The following NRCAM variants were observed in gnomAD, a reference collection of about 807,000 sequenced individuals.
NRCAM encodes neuronal cell adhesion molecule.
NRCAM carries 83 observed loss-of-function variants against 156.5 expected under a neutral mutation model. That is an observed-to-expected ratio of 0.53 (90% CI 0.44 to 0.64). The LOEUF is 0.64. NRCAM is among the 30% of genes least tolerant of loss of function. The pLI is 0.00. For missense variants in NRCAM, 1,417 were observed against 1,597.3 expected (o/e 0.89, Z 1.92); for synonymous variants, 538 against 563.9 (o/e 0.95, Z 0.65).
chr7:108,150,356 T>C (rs1050625637), intron 32 of NRCAM, among the ~76,000 whole-genome samples: 2 of 152,134 alleles, frequency 1.3e-5, no homozygotes, highest in Non-Finnish European at 1.5e-5. Flanking sequence ...TTCAGTAGAG[T>C]GGATGGCTCC....
At chr7:108,160,334 A>G in intron 31 of NRCAM, 27 bp downstream of exon 31, 1 of 1,599,716 alleles carries the variant, frequency 6.3e-7, no homozygotes, top group Middle Eastern at 1.7e-4. Context: ...GTAGCATTAT[A>G]AAGCAATTTT....
At chr7:108,350,911 A>G (rs2099407718) in intron 2 of NRCAM, among the ~76,000 whole-genome samples, 1 of 152,192 alleles carries the variant, frequency 6.6e-6, no homozygotes, top group African/African-American at 2.4e-5. Flanking sequence ...AATAGTATAT[A>G]TGTTATATAC....
At chr7:108,154,404 T>C (rs1275373432) in intron 32 of NRCAM, among the ~76,000 whole-genome samples, 2 of 152,196 alleles carry the variant, frequency 1.3e-5, no homozygotes, top group East Asian at 3.8e-4. Flanking sequence ...GCAACATTAC[T>C]AAACTCTCTT....
At chr7:108,364,511 C>A (rs1351775814) in intron 2 of NRCAM, among the ~76,000 whole-genome samples, 1 of 151,962 alleles carries the variant, frequency 6.6e-6, no homozygotes, top group Non-Finnish European at 1.5e-5. Flanking sequence ...TATGTATAGA[C>A]CCGGGAGAAC....
At chr7:108,156,079 A>C (rs1240761068) in intron 32 of NRCAM, among the ~76,000 whole-genome samples, 3 of 152,078 alleles carry the variant, frequency 2.0e-5, no homozygotes, top group Admixed American at 2.0e-4. Context: ...TTCATGACCC[A>C]AATACTCTTT....
chr7:108,284,661 G>A (rs996966806), intron 3 of NRCAM, among the ~76,000 whole-genome samples: 4 of 152,118 alleles, frequency 2.6e-5, no homozygotes, highest in Admixed American at 2.6e-4. Flanking sequence ...CCTGTTCTGA[G>A]ACAGATGTTC....
intron 3 of NRCAM, among the ~76,000 whole-genome samples, chr7:108,266,016 C>T (rs2097090673): frequency 6.6e-6 from 1 of 152,194 alleles, no homozygotes; most frequent in Non-Finnish European, 1.5e-5. Flanking sequence ...TATTCCTTCC[C>T]CCACCTATGA....
intron 30 of NRCAM, among the ~76,000 whole-genome samples, chr7:108,164,151 A>G (rs111978532): frequency 8.3e-4 from 77 of 92,394 alleles, no homozygotes; most frequent in African/African-American, 1.8e-3. Flanking sequence ...GGTGGCGGTA[A>G]TGAGAGGTCA....
intron 2 of NRCAM, among the ~76,000 whole-genome samples, chr7:108,335,715 G>A (rs556621074): frequency 6.6e-6 from 1 of 152,210 alleles, no homozygotes; most frequent in Non-Finnish European, 1.5e-5. Context: ...CTGAACCACA[G>A]AAATCTTACT....
chr7:108,230,249 C>G (rs548434619), intron 8 of NRCAM, among the ~76,000 whole-genome samples: 68 of 143,140 alleles, frequency 4.8e-4, no homozygotes, highest in Non-Finnish European at 8.7e-4. Context: ...CCCAGTAAAT[C>G]CTGGAGGCTT....
intron 13 of NRCAM, chr7:108,207,312 G>T (rs1588230907): frequency 5.2e-6 from 2 of 388,166 alleles, no homozygotes; most frequent in East Asian, 8.5e-5. Flanking sequence ...CCAAGTACCA[G>T]TCATCACATG....
chr7:108,176,661 C>T, intron 26 of NRCAM, 55 bp from the exon 27 acceptor site: 1 of 1,318,660 alleles, frequency 7.6e-7, no homozygotes, highest in Non-Finnish European at 1.1e-6. Flanking sequence ...TATAGGAATA[C>T]TATTATAAAT....
At chr7:108,297,798 C>T (rs2300014) in intron 3 of NRCAM, among the ~76,000 whole-genome samples, 82,698 of 152,080 alleles carry the variant, frequency 0.54, 22,958 homozygotes, top group Non-Finnish European at 0.57. Context: ...TGCATGCGCA[C>T]GTATGTGTGT....
intron 2 of NRCAM, among the ~76,000 whole-genome samples, chr7:108,378,670 C>G (rs2099686926): frequency 6.8e-6 from 1 of 146,056 alleles, no homozygotes; most frequent in African/African-American, 2.6e-5. Context: ...CACACACACA[C>G]ACACACACAC....
chr7:108,212,744 G>C (rs1374944574), intron 11 of NRCAM, among the ~76,000 whole-genome samples: 7 of 151,936 alleles, frequency 4.6e-5, no homozygotes, highest in Non-Finnish European at 7.4e-5. Flanking sequence ...AAGAAGTCTG[G>C]GATTATGTTA....
intron 2 of NRCAM, among the ~76,000 whole-genome samples, chr7:108,377,552 A>G (rs779481568): frequency 2.0e-5 from 3 of 152,158 alleles, no homozygotes; most frequent in Non-Finnish European, 4.4e-5. Context: ...GTCCCTCAAT[A>G]TTATTATAGC....
intron 14 of NRCAM, 113 bp downstream of exon 14, chr7:108,197,843 C>T (rs2075973221): frequency 1.4e-6 from 1 of 705,576 alleles, no homozygotes; most frequent in South Asian, 2.7e-5. Context: ...CTTATAGCTC[C>T]AAGTACTGTG....
chr7:108,307,791 A>G (rs1036214795), intron 3 of NRCAM, among the ~76,000 whole-genome samples: 1 of 151,946 alleles, frequency 6.6e-6, no homozygotes, highest in Non-Finnish European at 1.5e-5. Context: ...ACTGGGTTTC[A>G]TTTTCCTCCT....
chr7:108,333,368 A>G (rs1322351303), intron 2 of NRCAM, among the ~76,000 whole-genome samples: 1 of 152,200 alleles, frequency 6.6e-6, no homozygotes, highest in Non-Finnish European at 1.5e-5. Flanking sequence ...TTTTTAAATA[A>G]CTTCACTGCT....
Sources: gnomAD v4.1 joint callset for allele counts (sites outside exome capture counted in the v4.1 genomes callset) on GRCh38, gnomAD v4.1.1 for gene constraint, MANE v1.5 for transcripts, NCBI Gene and HGNC (gene_info 2026-07-23, HGNC 2026-07-21) for gene names.